The following ADCY8 variants were observed in gnomAD, a reference collection of about 807,000 sequenced individuals.
ADCY8 encodes adenylate cyclase 8, also known as adenylate cyclase type 8.
ADCY8 carries 51 observed loss-of-function variants against 119.7 expected under a neutral mutation model. The ratio of observed to expected loss-of-function variants is 0.43; its 90% CI spans 0.34 to 0.54. ADCY8 has a LOEUF of 0.54. ADCY8 is among the 20% of genes least tolerant of loss of function. ADCY8 has a pLI of 0.03. For missense variants in ADCY8, 1,383 were observed against 1,598.8 expected, an observed-to-expected ratio of 0.87 and a Z score of 2.30; for synonymous variants, 665 against 651.0, an observed-to-expected ratio of 1.02 and a Z score of -0.33.
At chr8:130,878,042 A>C (rs1039400303) in intron 8 of ADCY8, among the ~76,000 whole-genome samples, 4 of 152,178 alleles carry the variant, frequency 2.6e-5, no homozygotes, top group Non-Finnish European at 4.4e-5. Context: ...CATTTATACA[A>C]ACTTCTGTTA....
intron 15 of ADCY8, among the ~76,000 whole-genome samples, chr8:130,793,361 C>T (rs1195582255): frequency 6.6e-6 from 1 of 152,164 alleles, no homozygotes; most frequent in African/African-American, 2.4e-5. Context: ...CAGGAAAGTC[C>T]TGGGTAAGCG....
chr8:130,794,492 C>G (rs1815519863), intron 15 of ADCY8, among the ~76,000 whole-genome samples: 1 of 152,218 alleles, frequency 6.6e-6, no homozygotes, highest in Non-Finnish European at 1.5e-5. Context: ...GATCCGCCTG[C>G]CTCGGCCTTC....
intron 11 of ADCY8, among the ~76,000 whole-genome samples, chr8:130,837,267 T>C (rs1817017935): frequency 6.6e-6 from 1 of 152,228 alleles, no homozygotes; most frequent in Admixed American, 6.5e-5. Context: ...AATTATATTC[T>C]CCTTTCTGAA....
chr8:130,834,844 G>A (rs1206910928), intron 12 of ADCY8, among the ~76,000 whole-genome samples: 1 of 152,064 alleles, frequency 6.6e-6, no homozygotes, highest in Non-Finnish European at 1.5e-5. Context: ...GTATATATGT[G>A]TGTATGTATA....
intron 7 of ADCY8, among the ~76,000 whole-genome samples, chr8:130,903,541 A>G (rs1471187680): frequency 5.4e-5 from 8 of 149,430 alleles, no homozygotes; most frequent in South Asian, 2.1e-4. Context: ...AAAAAAAAAA[A>G]AGAGAGAGAG....
rs16904370 is a variant in ADCY8 at position 130,836,132 on chromosome 8, A to G, written c.2675+145T>C. 0.014 allele frequency: 12,384 copies of G among 912,198 alleles called. 968 individuals carry two copies. In the African/African-American group the frequency reaches 0.18, roughly 13 times the overall value. The allele number at this position is 912,198 out of a possible 1,614,324, so 56.5% of individuals were successfully genotyped here. A position where few individuals can be genotyped will look rare whatever the true frequency, so the allele number is the denominator to read the frequency against. On this transcript the variant is annotated intron_variant, in intron 12 of 17. Coordinates refer to ENST00000286355, the MANE Select transcript of ADCY8 (RefSeq NM_001115.3). ...AGTCAGGATTTTTGCTTGGACTTGT[A>G]AACTACAGAATGCCTGATTTGAGAT...
At chr8:130,997,678 T>C (rs999041941) in intron 1 of ADCY8, among the ~76,000 whole-genome samples, 1 of 152,232 alleles carries the variant, frequency 6.6e-6, no homozygotes, top group Non-Finnish European at 1.5e-5. Context: ...CTAGTAATTA[T>C]CTAAAAATGC....
At position 130,929,967 on chromosome 8, in the gene ADCY8, G is replaced by GTC. The variant is rs1251477525; in HGVS notation, c.1481+7105_1481+7106insGA. 3.9e-5 allele frequency among the ~76,000 whole-genome samples: 6 copies of GTC among 152,108 alleles called. No homozygotes were observed. In the East Asian group the frequency reaches 1.2e-3, roughly 29 times the overall value. ...AGTATAGGTATTCCTGCTTTCTTTT[G>GTC]TTTTTTATTTGCAGGTAATACCTTT... On this transcript the variant is annotated intron_variant, in intron 5 of 17. Transcript: ENST00000286355.
chr8:130,926,390 G>T (rs1173561503), intron 5 of ADCY8, among the ~76,000 whole-genome samples: 1 of 151,686 alleles, frequency 6.6e-6, no homozygotes, highest in Non-Finnish European at 1.5e-5. Context: ...CAGGGAAAAA[G>T]GTTTCCCTCA....
rs1032533774 is a variant in ADCY8 at position 131,001,733 on chromosome 8, G to A, written c.961-11191C>T. Among the ~76,000 whole-genome samples the A allele has an allele frequency of 1.3e-5, 2 of 151,668 alleles. 1 individual carries two copies. Among genetic ancestry groups the A allele is most frequent in the East Asian group, 3.9e-4 (2 of 5,188 alleles). ...AGGCCATCTATTTTTCCAAAGTCTA[G>A]TTTATGGTGTAATTTTTTTCTATTT... On this transcript the variant is annotated intron_variant, in intron 1 of 17. Transcript: ENST00000286355.
At chr8:130,896,946 G>A (rs1819411365) in intron 7 of ADCY8, among the ~76,000 whole-genome samples, 1 of 152,076 alleles carries the variant, frequency 6.6e-6, no homozygotes, top group South Asian at 2.1e-4. Context: ...CAATGTCAGA[G>A]CTGAAAGGAA....
At chr8:130,861,297 A>G (rs181022269) in intron 9 of ADCY8, among the ~76,000 whole-genome samples, 210 of 152,338 alleles carry the variant, frequency 1.4e-3, no homozygotes, top group African/African-American at 4.5e-3. Context: ...GGAAAAATTA[A>G]CATTTTAACA....
chr8:130,900,199 T>C (rs72714434), intron 7 of ADCY8, among the ~76,000 whole-genome samples: 11,975 of 152,224 alleles, frequency 0.079, 517 homozygotes, highest in Non-Finnish European at 0.1. Context: ...GATACCAGAA[T>C]GGGGTCAAAC....
At chr8:131,013,560 C>T (rs539172342) in intron 1 of ADCY8, among the ~76,000 whole-genome samples, 1 of 152,288 alleles carries the variant, frequency 6.6e-6, no homozygotes, top group African/African-American at 2.4e-5. Context: ...ATTACCTTTT[C>T]CTTGCCAACT....
intron 5 of ADCY8, among the ~76,000 whole-genome samples, chr8:130,933,575 C>T (rs1402880997): frequency 6.6e-6 from 1 of 152,112 alleles, no homozygotes; most frequent in Non-Finnish European, 1.5e-5. Flanking sequence ...AATACTGGAC[C>T]TCATGTTACT....
At chr8:130,824,089 C>A (rs1283419930) in intron 12 of ADCY8, among the ~76,000 whole-genome samples, 3 of 152,060 alleles carry the variant, frequency 2.0e-5, no homozygotes, top group Non-Finnish European at 4.4e-5. Context: ...TGTGTCAGAG[C>A]CAGGATGAGA....
intron 2 of ADCY8, among the ~76,000 whole-genome samples, chr8:130,955,716 T>C (rs1160091055): frequency 6.6e-6 from 1 of 152,206 alleles, no homozygotes; most frequent in Non-Finnish European, 1.5e-5. Flanking sequence ...ACAACTGCAA[T>C]CTAAGATGAC....
rs199524370 is a variant in ADCY8, at chr8:130,875,838, CT to C, written c.2110-7893del. Reference sequence around the variant, plus strand: ...CAATTGTACTGAGCCAAATAATTATCTAAAGATTCTCTTGTGTGGCAAATCC... The same window carrying C: ...CAATTGTACTGAGCCAAATAATTATCAAAGATTCTCTTGTGTGGCAAATCC... On this transcript the variant is annotated intron_variant, in intron 8 of 17. Transcript: ENST00000286355. Among the ~76,000 whole-genome samples the C allele has an allele frequency of 7.5e-3, 1,142 of 152,286 alleles. 6 individuals are homozygous for C. The highest frequency in any genetic ancestry group is 0.011 in the Non-Finnish European group (723 of 68,034).
chr8:130,860,462 T>C (rs1817888773), intron 9 of ADCY8, among the ~76,000 whole-genome samples: 1 of 152,208 alleles, frequency 6.6e-6, no homozygotes, highest in South Asian at 2.1e-4. Flanking sequence ...TGGTGTGTCT[T>C]AAAACTCATC....
Sources: gnomAD v4.1 joint callset for allele counts (sites outside exome capture counted in the v4.1 genomes callset) on GRCh38, gnomAD v4.1.1 for gene constraint, MANE v1.5 for transcripts, NCBI Gene and HGNC (gene_info 2026-07-23, HGNC 2026-07-21) for gene names.